UTP4: variants seen among roughly 807,000 people sequenced by gnomAD.
UTP4 encodes the protein U3 small nucleolar RNA-associated protein 4 homolog.
In UTP4, 45 loss-of-function variants were observed where a neutral mutation model predicts 82.4. The observed-to-expected ratio is 0.55, with a 90% CI of 0.43 to 0.70. The LOEUF (loss-of-function observed/expected upper bound fraction) is 0.70, where lower values mean the gene tolerates loss of function less well. UTP4 is among the 30% of genes least tolerant of loss of function. The pLI is 0.00. For synonymous variants in UTP4, 348 were observed against 300.3 expected, an observed-to-expected ratio of 1.16 and a Z score of -1.64; for missense variants, 819 against 858.3, an observed-to-expected ratio of 0.95 and a Z score of 0.57.
chr16:69,164,786 T>C (rs2152284291), intron 14 of UTP4, among the ~76,000 whole-genome samples: 1 of 152,102 alleles, frequency 6.6e-6, no homozygotes, highest in East Asian at 1.9e-4. Context: ...CTATTCTGTG[T>C]TTCAGAATGG....
chr16:69,164,174 G>A (rs910132594), intron 14 of UTP4, among the ~76,000 whole-genome samples: 25 of 152,100 alleles, frequency 1.6e-4, no homozygotes, highest in Non-Finnish European at 2.2e-4. Context: ...TTGAGCCACC[G>A]CGCCCGGCTG....
At chr16:69,168,353 G>A (rs1001075968) in intron 16 of UTP4, among the ~76,000 whole-genome samples, 4 of 147,428 alleles carry the variant, frequency 2.7e-5, no homozygotes, top group East Asian at 2.0e-4. Flanking sequence ...GGAGAATGGC[G>A]TGAACCCGGG....
chr16:69,162,960 A>G (rs1280086878), intron 13 of UTP4, 123 bp from the exon 14 acceptor site: 5 of 796,484 alleles, frequency 6.3e-6, no homozygotes, highest in Non-Finnish European at 1.1e-5. Context: ...AATTTTTGGA[A>G]CTTCCCTAGA....
intron 5 of UTP4, among the ~76,000 whole-genome samples, chr16:69,140,912 C>T (rs1209468922): frequency 2.0e-5 from 3 of 152,130 alleles, no homozygotes; most frequent in Admixed American, 6.6e-5. Context: ...CACTTCCTCC[C>T]GATCCTCCCA....
chr16:69,147,630 G>T (rs1280735542), intron 6 of UTP4, among the ~76,000 whole-genome samples: 1 of 151,998 alleles, frequency 6.6e-6, no homozygotes, highest in African/African-American at 2.4e-5. Context: ...TTTTTTTTTG[G>T]ATTTTGGAAT....
chr16:69,148,357 A>G (rs1387267233), intron 6 of UTP4, among the ~76,000 whole-genome samples: 1 of 151,984 alleles, frequency 6.6e-6, no homozygotes, highest in African/African-American at 2.4e-5. Flanking sequence ...TCGGCTTCCC[A>G]AAGTGTTGGA....
At chr16:69,157,460 T>A (rs1016214590) in intron 12 of UTP4, among the ~76,000 whole-genome samples, 8 of 152,234 alleles carry the variant, frequency 5.3e-5, no homozygotes, top group African/African-American at 1.7e-4. Flanking sequence ...TCACTGGGTT[T>A]TTGATTCCTT....
At chr16:69,154,518 T>A in intron 10 of UTP4, 61 bp downstream of exon 10, 1 of 1,238,442 alleles carries the variant, frequency 8.1e-7, no homozygotes, top group Non-Finnish European at 1.2e-6. Flanking sequence ...ATAATTCCCA[T>A]TCTGAATTTT....
intron 6 of UTP4, among the ~76,000 whole-genome samples, chr16:69,147,145 C>T (rs979456611): frequency 8.1e-5 from 12 of 147,642 alleles, no homozygotes; most frequent in Non-Finnish European, 1.5e-4. Context: ...CCATTGCACT[C>T]CAGCCTGGTC....
intron 4 of UTP4, 40 bp downstream of exon 4, chr16:69,137,925 A>T: frequency 8.1e-7 from 1 of 1,232,144 alleles, no homozygotes; most frequent in South Asian, 1.2e-5. Context: ...TAGCCTTAAC[A>T]AGAAATTAAG....
At chr16:69,153,930 G>A (rs1963343443) in intron 9 of UTP4, among the ~76,000 whole-genome samples, 1 of 151,956 alleles carries the variant, frequency 6.6e-6, no homozygotes, top group Non-Finnish European at 1.5e-5. Context: ...TCAAGGTAAG[G>A]GTTGAAGAAT....
chr16:69,151,566 C>T (rs529397152), intron 8 of UTP4, among the ~76,000 whole-genome samples: 18 of 151,692 alleles, frequency 1.2e-4, no homozygotes, highest in Admixed American at 5.9e-4. Context: ...GTGATACGCC[C>T]GCCTCGGCCT....
At chr16:69,134,419 A>G (rs1028243219) in intron 2 of UTP4, among the ~76,000 whole-genome samples, 4 of 152,076 alleles carry the variant, frequency 2.6e-5, no homozygotes, top group African/African-American at 4.8e-5. Context: ...TGGGAGAAAG[A>G]TAAGTGTACA....
At chr16:69,143,876 T>C (rs1280817225) in intron 6 of UTP4, among the ~76,000 whole-genome samples, 3 of 151,652 alleles carry the variant, frequency 2.0e-5, no homozygotes, top group Non-Finnish European at 4.4e-5. Flanking sequence ...ATGTCTTATT[T>C]AGTAGTAGTT....
chr16:69,136,974 A>G, intron 3 of UTP4, 87 bp downstream of exon 3: 1 of 1,154,742 alleles, frequency 8.7e-7, no homozygotes, highest in East Asian at 2.3e-5. Context: ...GAGAGTAACG[A>G]TATATTATGG....
intron 12 of UTP4, among the ~76,000 whole-genome samples, chr16:69,157,806 A>G (rs964325834): frequency 4.6e-5 from 7 of 151,276 alleles, no homozygotes; most frequent in African/African-American, 1.7e-4. Context: ...TATGTTGACA[A>G]AGTTGGTCTT....
intron 10 of UTP4, among the ~76,000 whole-genome samples, chr16:69,155,236 C>T (rs1035133446): frequency 6.6e-6 from 1 of 152,064 alleles, no homozygotes; most frequent in African/African-American, 2.4e-5. Context: ...AGCAGTGGCA[C>T]GGTCACGGCT....
At chr16:69,155,649 A>G (rs565004523) in intron 10 of UTP4, among the ~76,000 whole-genome samples, 1 of 152,294 alleles carries the variant, frequency 6.6e-6, no homozygotes, top group East Asian at 1.9e-4. Flanking sequence ...AAGGGCCAAA[A>G]TAAGAATAGA....
In UTP4 at chr16:69,136,819, T is replaced by A; in HGVS notation, c.283T>A (p.Tyr95Asn). Residue 95 changes from tyrosine to asparagine, a missense_variant, in exon 3 of 17, where the codon TAT (tyrosine) becomes AAT (asparagine). Tyr to Asn is a moderately radical substitution (Grantham distance 143). Coordinates refer to ENST00000314423, the MANE Select transcript of UTP4 (RefSeq NM_032830.3). ...EYDLQALNIK[Y>N]AMDAFGGPIW... Reference sequence around the variant, plus strand: ...TGATTTACAGGCGTTAAACATCAAGTATGCTATGGATGCCTTTGGAGGACC... The same window carrying A: ...TGATTTACAGGCGTTAAACATCAAGAATGCTATGGATGCCTTTGGAGGACC... The A allele has an allele frequency of 6.2e-7, 1 of 1,614,190 alleles. No individual in the cohort carries two copies.
Sources: allele counts gnomAD v4.1 joint callset (sites outside exome capture counted in the v4.1 genomes callset), GRCh38; gene constraint gnomAD v4.1.1; transcripts MANE v1.5; gene names NCBI Gene and HGNC (gene_info 2026-07-23, HGNC 2026-07-21).